Variants in ZBTB20 observed in about 807,000 individuals in gnomAD.
The protein encoded by ZBTB20 is zinc finger and BTB domain containing 20, also known as zinc finger and BTB domain-containing protein 20.
In ZBTB20, 9 loss-of-function variants were observed where a neutral mutation model predicts 56.9. That is an observed-to-expected ratio of 0.16 (90% CI 0.10 to 0.28). The LOEUF is 0.28. Ranked by LOEUF, ZBTB20 falls within the 10% of genes least tolerant of loss-of-function variation. The pLI, the probability that ZBTB20 is intolerant of heterozygous loss-of-function variation, is 1.00. For synonymous variants in ZBTB20, 417 were observed against 420.7 expected (o/e 0.99, Z 0.11); for missense variants, 655 against 1,003.0 (o/e 0.65, Z 4.69).
intron 7 of ZBTB20, among the ~76,000 whole-genome samples, chr3:114,405,945 T>A (rs185972281): frequency 0.027 from 4,075 of 151,828 alleles, 71 homozygotes; most frequent in South Asian, 0.061. Flanking sequence ...CATTTTTTTT[T>A]AAAAAACAGC....
intron 2 of ZBTB20, among the ~76,000 whole-genome samples, chr3:115,036,412 G>A (rs2080924109): frequency 6.6e-6 from 1 of 151,660 alleles, no homozygotes; most frequent in Non-Finnish European, 1.5e-5. Context: ...TGATTCTCCT[G>A]CATCAGCCTC....
At chr3:115,115,427 A>G (rs914031336) in intron 1 of ZBTB20, among the ~76,000 whole-genome samples, 8 of 152,238 alleles carry the variant, frequency 5.3e-5, no homozygotes, top group African/African-American at 1.7e-4. Flanking sequence ...TTATAACAAC[A>G]TAGTTCTTCG....
intron 6 of ZBTB20, among the ~76,000 whole-genome samples, chr3:114,692,934 G>T (rs1266472536): frequency 1.3e-5 from 2 of 151,988 alleles, no homozygotes; most frequent in Non-Finnish European, 2.9e-5. Flanking sequence ...GTCTTTGAAG[G>T]GTATTTTCCT....
At chr3:114,844,941 A>G (rs910854317) in intron 4 of ZBTB20, among the ~76,000 whole-genome samples, 1 of 148,550 alleles carries the variant, frequency 6.7e-6, no homozygotes, top group Non-Finnish European at 1.5e-5. Context: ...GAGTTTTCGA[A>G]GTTCTTTGTA....
At chr3:114,964,130 A>G (rs2077554405) in intron 3 of ZBTB20, among the ~76,000 whole-genome samples, 1 of 152,112 alleles carries the variant, frequency 6.6e-6, no homozygotes, top group South Asian at 2.1e-4. Flanking sequence ...AAAAACTTTA[A>G]TAGGCTGGGT....
chr3:115,061,006 T>C (rs987985221), intron 2 of ZBTB20, among the ~76,000 whole-genome samples: 5 of 152,142 alleles, frequency 3.3e-5, no homozygotes, highest in South Asian at 4.1e-4. Context: ...TTATTTTATA[T>C]CTTCCGATTC....
chr3:115,066,877 A>T (rs1314303523), intron 2 of ZBTB20, among the ~76,000 whole-genome samples: 3 of 152,166 alleles, frequency 2.0e-5, no homozygotes, highest in African/African-American at 7.2e-5. Context: ...GAGTGAAAAG[A>T]TTAAAAACCA....
chr3:114,487,544 A>G lies in ZBTB20; in HGVS notation c.-255+12808T>C, dbSNP rs139234732. 6.6e-4 allele frequency among the ~76,000 whole-genome samples: 101 copies of G among 152,310 alleles called. 1 individual carries two copies. The highest frequency in any genetic ancestry group is 2.4e-3 in the African/African-American group (98 of 41,572). ...AATGCCCCAGAGCATGTCATCCCTT[A>G]CCATCTGCAAATGAACTTCTGTGGT... On this transcript the variant is annotated intron_variant, in intron 7 of 11. Transcript: ENST00000675478.
rs1052804382 is a variant in ZBTB20, at chr3:114,315,666, T to C, written c.*23339A>G. On this transcript the variant is annotated 3_prime_UTR_variant, in exon 12 of 12. Transcript: ENST00000675478. Reference sequence around the variant, plus strand: ...CTTTCCATACTAAGATACAATGTGATAAGAAACATTTCTGTGCAGGGAAAA... The same window carrying C: ...CTTTCCATACTAAGATACAATGTGACAAGAAACATTTCTGTGCAGGGAAAA... 11 of 151,828 alleles carry C rather than the reference T, an allele frequency of 7.2e-5. No homozygotes were observed. The highest frequency in any genetic ancestry group is 3.9e-4 in the Admixed American group (6 of 15,208). 9.4% of individuals were successfully genotyped at this position (151,828 alleles called of 1,614,324 possible).
intron 7 of ZBTB20, among the ~76,000 whole-genome samples, chr3:114,490,047 C>T (rs1036006968): frequency 4.6e-5 from 7 of 152,100 alleles, no homozygotes; most frequent in Non-Finnish European, 7.3e-5. Context: ...TACCCTGGTA[C>T]GTTTCTAGGT....
At chr3:114,917,400 T>G (rs1000690790) in intron 3 of ZBTB20, among the ~76,000 whole-genome samples, 1 of 152,202 alleles carries the variant, frequency 6.6e-6, no homozygotes, top group Admixed American at 6.5e-5. Context: ...CATGTCTTCC[T>G]GGATGGTCTT....
chr3:114,588,315 A>C (rs138347843), intron 6 of ZBTB20, among the ~76,000 whole-genome samples: 1 of 152,364 alleles, frequency 6.6e-6, no homozygotes, highest in Non-Finnish European at 1.5e-5. Flanking sequence ...TATGCAAATC[A>C]AGCTGGTAAG....
At chr3:114,693,465 T>C (rs1560134752) in intron 6 of ZBTB20, 63 bp downstream of exon 6, 1 of 152,130 alleles carries the variant, frequency 6.6e-6, no homozygotes, top group Non-Finnish European at 1.5e-5. Context: ...CATGGAAAGA[T>C]ATTTGACTTC....
At chr3:114,771,035 G>T (rs142158465) in intron 5 of ZBTB20, among the ~76,000 whole-genome samples, 230 of 152,222 alleles carry the variant, frequency 1.5e-3, no homozygotes, top group African/African-American at 5.2e-3. Flanking sequence ...CTTTTGCAGA[G>T]ATTTTACTTT....
chr3:114,953,029 C>T (rs796950132), intron 3 of ZBTB20, among the ~76,000 whole-genome samples: 13 of 152,072 alleles, frequency 8.5e-5, no homozygotes, highest in African/African-American at 2.4e-4. Context: ...CATTATCTGA[C>T]GGGGCTTCCA....
intron 10 of ZBTB20, among the ~76,000 whole-genome samples, chr3:114,375,291 C>T (rs900174626): frequency 6.6e-6 from 1 of 152,118 alleles, no homozygotes; most frequent in Non-Finnish European, 1.5e-5. Context: ...TAGAGTATTG[C>T]TACTAACGCC....
chr3:114,354,702 C>T (rs947670851), intron 10 of ZBTB20, among the ~76,000 whole-genome samples: 3 of 151,820 alleles, frequency 2.0e-5, no homozygotes, highest in African/African-American at 7.3e-5. Context: ...GTGCCTCAGC[C>T]TCTCGAGTAG....
At position 114,329,727 on chromosome 3, in the gene ZBTB20, A is replaced by AC. The variant is rs1490249589; in HGVS notation, c.*9277_*9278insG. ...TTTTTTGGAAAAAAAAAAAAAAAAA[A>AC]AAAAAAAAAACAACTCCCAGGAAAA... On this transcript the variant is annotated 3_prime_UTR_variant, in exon 12 of 12. Coordinates refer to ENST00000675478, the MANE Select transcript of ZBTB20 (RefSeq NM_001348800.3). 5 of 149,500 alleles carry AC rather than the reference A, an allele frequency of 3.3e-5. No homozygotes were observed. Among genetic ancestry groups the AC allele is most frequent in the African/African-American group, 7.4e-5 (3 of 40,350 alleles). 9.3% of individuals were successfully genotyped at this position (149,500 alleles called of 1,614,324 possible).
chr3:114,699,050 C>G (rs1483108642), intron 5 of ZBTB20, among the ~76,000 whole-genome samples: 2 of 152,068 alleles, frequency 1.3e-5, no homozygotes, highest in Admixed American at 6.6e-5. Context: ...CAAAATAATA[C>G]TGTAAGAGAA....
Sources: allele counts gnomAD v4.1 joint callset (sites outside exome capture counted in the v4.1 genomes callset), GRCh38; gene constraint gnomAD v4.1.1; transcripts MANE v1.5; gene names NCBI Gene and HGNC (gene_info 2026-07-23, HGNC 2026-07-21).